TNIK: variants seen among roughly 807,000 people sequenced by gnomAD.
TNIK encodes the protein TRAF2 and NCK-interacting protein kinase.
Under a neutral mutation model 191.3 loss-of-function variants are expected in TNIK, and 49 were observed. The ratio of observed to expected loss-of-function variants is 0.26; its 90% CI spans 0.20 to 0.32. TNIK has a LOEUF of 0.32. Among genes scored for constraint, TNIK ranks in the 10% least tolerant of loss-of-function variants. The pLI is 1.00. For missense variants in TNIK, 1,155 were observed against 1,702.3 expected, an observed-to-expected ratio of 0.68 and a Z score of 5.66; for synonymous variants, 594 against 600.9, an observed-to-expected ratio of 0.99 and a Z score of 0.17.
chr3:171,101,559 A>G lies in TNIK; in HGVS notation c.2481T>C (p.Thr827=). ...ACTCCTCACTGGAGGAGGAGTAATC[A>G]GTCACCTTCTTCATTGGGCGGTTTG... is the stretch of plus-strand genomic sequence containing the variant. The part of the protein sequence containing the change: ...EETNRPMKKV[T]DYSSSSEESE... Residue 827 remains threonine (T), a synonymous_variant, in exon 22 of 33, where the codon ACT becomes ACC. Transcript: ENST00000436636. The G allele has an allele frequency of 1.9e-6, 3 of 1,613,466 alleles. No homozygotes were observed. Among genetic ancestry groups the G allele is most frequent in the Non-Finnish European group, 2.5e-6 (3 of 1,179,560 alleles).
At chr3:171,405,996 G>A (rs1409102948) in intron 1 of TNIK, among the ~76,000 whole-genome samples, 1 of 152,144 alleles carries the variant, frequency 6.6e-6, no homozygotes, top group African/African-American at 2.4e-5. Context: ...AAGGGCGGGA[G>A]GAGATACAGC....
In TNIK at chr3:171,190,785, C is replaced by T; in HGVS notation, c.420G>A (p.Gly140=). 2 of 1,587,826 alleles carry T rather than the reference C, an allele frequency of 1.3e-6. No individual in the cohort carries two copies. The highest frequency in any genetic ancestry group is 2.3e-5 in the South Asian group (2 of 86,918). Residue 140 remains glycine (G), a splice_region_variant and synonymous_variant, in exon 6 of 33, where the codon GGG becomes GGA. Coordinates refer to ENST00000436636, the MANE Select transcript of TNIK (RefSeq NM_015028.4). ...CTTTATGCTGGTGCAGGTGACTCAG[C>T]CCCTGGAGTGATGGAGAGTTAAGAA... ...IAYICREILR[G]LSHLHQHKVI... is the part of the protein sequence containing the mutation.
Position 171,292,754 on chromosome 3 carries a change from C to T in TNIK, c.124-64533G>A, listed in dbSNP as rs530396651. On this transcript the variant is annotated intron_variant, in intron 2 of 32. Coordinates refer to ENST00000436636, the MANE Select transcript of TNIK (RefSeq NM_015028.4). ...TCATGCCACTGCACTCCAGCCTGGG[C>T]AACAGAGCAAGACTCCATCTCAAAA... Among the ~76,000 whole-genome samples the T allele has an allele frequency of 8.0e-4, 97 of 120,778 alleles. 1 individual carries two copies. The highest frequency in any genetic ancestry group is 7.1e-3 in the Middle Eastern group (1 of 140). The allele number at this position is 120,778 out of a possible 152,430, so 79.2% of individuals were successfully genotyped here.
intron 21 of TNIK, 102 bp downstream of exon 21, chr3:171,107,081 A>T: frequency 1.6e-6 from 2 of 1,241,184 alleles, no homozygotes; most frequent in East Asian, 5.0e-5. Flanking sequence ...ATCTCCTCCC[A>T]GCTGATTGCT....
At chr3:171,459,479 C>T (rs924157398) in intron 1 of TNIK, among the ~76,000 whole-genome samples, 1 of 152,188 alleles carries the variant, frequency 6.6e-6, no homozygotes, top group Non-Finnish European at 1.5e-5. Context: ...CAGTTGCCAT[C>T]TACAAGACCA....
chr3:171,437,940 C>T lies in TNIK; in HGVS notation c.57+22067G>A, dbSNP rs186752237. Among the ~76,000 whole-genome samples the T allele has an allele frequency of 1.8e-3, 273 of 152,330 alleles. 2 individuals are homozygous for T. The highest frequency in any genetic ancestry group is 2.9e-3 in the Admixed American group (45 of 15,300). ...CTAATCAGCTAGCTAGCTATCCACGCCATGAGGCGGCAAAATGTCTTTTCC... is the reference window on the plus strand; with the variant it reads ...CTAATCAGCTAGCTAGCTATCCACGTCATGAGGCGGCAAAATGTCTTTTCC... On this transcript the variant is annotated intron_variant, in intron 1 of 32. Coordinates refer to ENST00000436636, the MANE Select transcript of TNIK (RefSeq NM_015028.4).
chr3:171,084,114 G>C, intron 26 of TNIK, 41 bp downstream of exon 26: 5 of 1,490,080 alleles, frequency 3.4e-6, no homozygotes, highest in Non-Finnish European at 3.6e-6. Flanking sequence ...TCATTAATGA[G>C]TGGTTATTTA....
At chr3:171,442,349 G>T (rs996100289) in intron 1 of TNIK, among the ~76,000 whole-genome samples, 31 of 149,814 alleles carry the variant, frequency 2.1e-4, no homozygotes, top group African/African-American at 7.9e-4. Flanking sequence ...ATAGTCACAG[G>T]AATGTCCCTG....
chr3:171,125,224 A>G (rs115659396), intron 17 of TNIK, among the ~76,000 whole-genome samples: 4,420 of 152,264 alleles, frequency 0.029, 92 homozygotes, highest in Middle Eastern at 0.092. Flanking sequence ...GTATTTTGAA[A>G]TACTTCCAGG....
intron 15 of TNIK, among the ~76,000 whole-genome samples, chr3:171,131,267 G>A (rs1729219753): frequency 6.8e-6 from 1 of 146,826 alleles, no homozygotes; most frequent in Non-Finnish European, 1.5e-5. Context: ...GAACCCGGGA[G>A]GCGGAGCTTG....
In TNIK at chr3:171,110,605, A is replaced by G. The variant is rs1725695814; in HGVS notation, c.2284+109T>C. On this transcript the variant is annotated intron_variant, in intron 19 of 32. Transcript: ENST00000436636. ...CAGTTGACAGGCTCTTCAGGATCAC[A>G]CAGTGGTGGCCATGCCTGGACTAGA... is the stretch of plus-strand genomic sequence containing the variant. 5 of 1,384,204 alleles carry G rather than the reference A, an allele frequency of 3.6e-6. No individual in the cohort carries two copies. In the East Asian group the frequency reaches 1.3e-4, roughly 35 times the overall value. The allele number at this position is 1,384,204 out of a possible 1,614,324, so 85.7% of individuals were successfully genotyped here. A position where few individuals can be genotyped will look rare whatever the true frequency, so the allele number is the denominator to read the frequency against.
intron 2 of TNIK, among the ~76,000 whole-genome samples, chr3:171,259,357 G>A (rs757514840): frequency 6.6e-6 from 1 of 152,166 alleles, no homozygotes; most frequent in Non-Finnish European, 1.5e-5. Flanking sequence ...AGGTTTTAGG[G>A]TTAAGTAAGA....
chr3:171,353,415 T>C (rs6768644), intron 2 of TNIK, among the ~76,000 whole-genome samples: 43,707 of 152,082 alleles, frequency 0.29, 6,543 homozygotes, highest in South Asian at 0.45. Context: ...GTGCTTACTT[T>C]ATGATGTTGC....
At chr3:171,368,858 G>T (rs1483053949) in intron 2 of TNIK, among the ~76,000 whole-genome samples, 1 of 151,760 alleles carries the variant, frequency 6.6e-6, no homozygotes, top group Admixed American at 6.6e-5. Flanking sequence ...GAAACAGTTG[G>T]TTTGTTTTGA....
intron 21 of TNIK, among the ~76,000 whole-genome samples, chr3:171,106,015 C>T (rs967564585): frequency 5.5e-4 from 84 of 152,154 alleles, no homozygotes; most frequent in African/African-American, 1.9e-3. Flanking sequence ...CGCAAACATG[C>T]GGAGTCTCAT....
At chr3:171,205,649 T>C (rs1163527442) in intron 4 of TNIK, among the ~76,000 whole-genome samples, 1 of 152,156 alleles carries the variant, frequency 6.6e-6, no homozygotes, top group African/African-American at 2.4e-5. Context: ...CCTTGACCCA[T>C]CTGGTCTATT....
At chr3:171,198,262 C>CAAA (rs35713743) in intron 4 of TNIK, among the ~76,000 whole-genome samples, 3 of 142,904 alleles carry the variant, frequency 2.1e-5, no homozygotes, top group East Asian at 4.0e-4. Context: ...GACTCCGTCT[C>CAAA]AAAAAAAAAA....
At chr3:171,220,928 T>A (rs1742231533) in intron 3 of TNIK, among the ~76,000 whole-genome samples, 1 of 152,032 alleles carries the variant, frequency 6.6e-6, no homozygotes, top group African/African-American at 2.4e-5. Context: ...AAGCCCAACA[T>A]CCAGGCCATA....
At chr3:171,369,505 T>G in intron 2 of TNIK, 115 bp downstream of exon 2, 5 of 653,802 alleles carry the variant, frequency 7.6e-6, no homozygotes. Flanking sequence ...AACAAGTATA[T>G]TAATTCATTT....
Sources: gnomAD v4.1 joint callset for allele counts (sites outside exome capture counted in the v4.1 genomes callset) on GRCh38, gnomAD v4.1.1 for gene constraint, MANE v1.5 for transcripts, NCBI Gene and HGNC (gene_info 2026-07-23, HGNC 2026-07-21) for gene names.